The following GPC3 variants were observed in gnomAD, a reference collection of about 807,000 sequenced individuals.
GPC3 encodes glypican-3.
A neutral mutation model predicts 34.4 loss-of-function variants in GPC3; 3 were observed. The ratio of observed to expected loss-of-function variants is 0.09; its 90% confidence interval spans 0.04 to 0.23. GPC3 has a LOEUF of 0.23. GPC3 is among the 10% of genes least tolerant of loss of function. The pLI is 1.00. For missense variants in GPC3, 351 were observed against 445.6 expected, an observed-to-expected ratio of 0.79 and a Z score of 1.91; for synonymous variants, 177 against 174.0, an observed-to-expected ratio of 1.02 and a Z score of -0.13.
At chrX:133,749,496 T>C (rs1327461248) in intron 3 of GPC3, among the ~76,000 whole-genome samples, 2 of 110,832 alleles carry the variant, frequency 1.8e-5, no homozygotes, top group Non-Finnish European at 3.8e-5. Flanking sequence ...TATTGAGAAC[T>C]ATGCTAGAGA....
At chrX:133,651,584 GCCTACTGA>G (rs1458043764) in intron 6 of GPC3, among the ~76,000 whole-genome samples, 1 of 111,384 alleles carries the variant, frequency 9.0e-6, no homozygotes, top group African/African-American at 3.3e-5. Flanking sequence ...TGTCATTGCA[GCCTACTGA>G]GATATTTTTG....
chrX:133,687,755 C>T (rs1366703229), intron 5 of GPC3, among the ~76,000 whole-genome samples: 2 of 111,003 alleles, frequency 1.8e-5, no homozygotes, highest in African/African-American at 6.6e-5. Flanking sequence ...AGACAAAATA[C>T]GTTTATTTTT....
chrX:133,634,888 C>T (rs949613150), intron 6 of GPC3, among the ~76,000 whole-genome samples: 1 of 111,850 alleles, frequency 8.9e-6, no homozygotes, highest in Non-Finnish European at 1.9e-5. Flanking sequence ...AGAGATTATG[C>T]TAGTCTGTGT....
chrX:133,602,885 C>G (rs114376781), intron 6 of GPC3, among the ~76,000 whole-genome samples: 6,931 of 110,289 alleles, frequency 0.063, 566 homozygotes, highest in African/African-American at 0.22. Context: ...ATAGGAAAAA[C>G]AAAAATATCT....
intron 4 of GPC3, among the ~76,000 whole-genome samples, chrX:133,698,019 G>C (rs1020262902): frequency 3.6e-5 from 4 of 112,333 alleles, no homozygotes; most frequent in Non-Finnish European, 7.5e-5. Context: ...TTTCTCACAA[G>C]TTAGCAGTTG....
chrX:133,920,004 TA>T (rs3216449), intron 2 of GPC3, among the ~76,000 whole-genome samples: 30 of 102,204 alleles, frequency 2.9e-4, no homozygotes, highest in South Asian at 4.4e-4. Flanking sequence ...TACTAAAAAT[TA>T]AAAAAAAAAA....
At chrX:133,878,257 G>A (rs1245356927) in intron 2 of GPC3, among the ~76,000 whole-genome samples, 52 of 110,460 alleles carry the variant, frequency 4.7e-4, no homozygotes, top group Non-Finnish European at 8.9e-4. Context: ...GTGAAACTCT[G>A]TCTCTACAAA....
chrX:133,728,446 T>C (rs1358019017), intron 3 of GPC3, among the ~76,000 whole-genome samples: 1 of 112,142 alleles, frequency 8.9e-6, no homozygotes, highest in Non-Finnish European at 1.9e-5. Context: ...CCTTCTAGGA[T>C]ATGTAATTCT....
chrX:133,927,347 TAGTG>T lies in GPC3; in HGVS notation c.337+25699_337+25702del, dbSNP rs778523928. On this transcript the variant is annotated intron_variant, in intron 2 of 7. Coordinates refer to ENST00000370818, the MANE Select transcript of GPC3 (RefSeq NM_004484.4). ...TATGTAGGAAAAAAAACTGTATGAG[TAGTG>T]AGTGTGTGCATATTTATACAGAAAT... 6.3e-5 allele frequency among the ~76,000 whole-genome samples: 7 copies of T among 110,622 alleles called. No individual in the cohort carries two copies. In the South Asian group the frequency reaches 2.7e-3, roughly 43 times the overall value.
chrX:133,780,101 C>T (rs927809445), intron 2 of GPC3, among the ~76,000 whole-genome samples: 14 of 111,593 alleles, frequency 1.3e-4, no homozygotes, highest in Admixed American at 8.6e-4. Flanking sequence ...ATGACCTAGA[C>T]GCCATGCTAG....
chrX:133,908,657 A>G (rs1196911768), intron 2 of GPC3, among the ~76,000 whole-genome samples: 3 of 111,598 alleles, frequency 2.7e-5, no homozygotes, highest in Non-Finnish European at 5.6e-5. Flanking sequence ...TGTGGTGACT[A>G]TACTTGAACA....
chrX:133,588,386 A>AAAAC (rs1376717642), intron 7 of GPC3, among the ~76,000 whole-genome samples: 2 of 111,224 alleles, frequency 1.8e-5, no homozygotes, highest in South Asian at 3.8e-4. Flanking sequence ...AAAAAAACAA[A>AAAAC]AAACAAACAA....
At chrX:133,798,888 A>G (rs1270025568) in intron 2 of GPC3, among the ~76,000 whole-genome samples, 2 of 112,010 alleles carry the variant, frequency 1.8e-5, no homozygotes, top group South Asian at 7.6e-4. Context: ...AGGGTAGTGG[A>G]CATTTGTGTT....
intron 2 of GPC3, among the ~76,000 whole-genome samples, chrX:133,898,233 G>A (rs1461213237): frequency 1.8e-5 from 2 of 111,800 alleles, no homozygotes; most frequent in Non-Finnish European, 3.8e-5. Context: ...CAAAGGGAGT[G>A]TGGTTAAAAC....
intron 6 of GPC3, among the ~76,000 whole-genome samples, chrX:133,660,258 A>T (rs1254928356): frequency 8.9e-6 from 1 of 112,307 alleles, no homozygotes; most frequent in African/African-American, 3.2e-5. Context: ...TATTTTAAAA[A>T]CTCATACCAA....
At chrX:133,681,969 G>C (rs972310504) in intron 5 of GPC3, among the ~76,000 whole-genome samples, 3 of 112,255 alleles carry the variant, frequency 2.7e-5, no homozygotes, top group Non-Finnish European at 5.6e-5. Context: ...GTTTCAATCA[G>C]TATTCAACTT....
intron 2 of GPC3, among the ~76,000 whole-genome samples, chrX:133,878,206 T>C (rs957753213): frequency 3.6e-5 from 4 of 111,352 alleles, no homozygotes; most frequent in African/African-American, 1.3e-4. Flanking sequence ...GGCGGGTGGA[T>C]TACCTGAGGT....
At chrX:133,937,409 T>C (rs1024049211) in intron 2 of GPC3, among the ~76,000 whole-genome samples, 1 of 111,957 alleles carries the variant, frequency 8.9e-6, no homozygotes, top group South Asian at 3.8e-4. Context: ...GACTCTGAGA[T>C]ATAAAATTGT....
chrX:133,905,656 T>G (rs2076164722), intron 2 of GPC3, among the ~76,000 whole-genome samples: 1 of 111,893 alleles, frequency 8.9e-6, no homozygotes, highest in South Asian at 3.7e-4. Context: ...TTTCTTTGGC[T>G]TTGTAGAAAT....
Sources: allele counts gnomAD v4.1 joint callset (sites outside exome capture counted in the v4.1 genomes callset), GRCh38; gene constraint gnomAD v4.1.1; transcripts MANE v1.5; gene names NCBI Gene and HGNC (gene_info 2026-07-23, HGNC 2026-07-21).